MYO7B: variants seen among roughly 807,000 people sequenced by gnomAD.
MYO7B encodes unconventional myosin-VIIb.
MYO7B carries 212 observed loss-of-function variants against 259.7 expected under a neutral mutation model. That is an observed-to-expected ratio of 0.82 (90% CI 0.73 to 0.91). MYO7B has a LOEUF of 0.91. Ranked by LOEUF, MYO7B falls within the 40% of genes least tolerant of loss-of-function variation. MYO7B has a pLI of 0.00. For missense variants in MYO7B, 2,732 were observed against 2,813.5 expected (o/e 0.97, Z 0.66); for synonymous variants, 1,197 against 1,166.4 (o/e 1.03, Z -0.54).
At chr2:127,543,543 C>T (rs1047551657) in intron 1 of MYO7B, among the ~76,000 whole-genome samples, 2 of 152,048 alleles carry the variant, frequency 1.3e-5, no homozygotes, top group East Asian at 3.9e-4. Flanking sequence ...TCTTTCTTTT[C>T]CCCACAAAGG....
At chr2:127,618,145 T>C (rs554123675) in intron 26 of MYO7B, among the ~76,000 whole-genome samples, 1 of 152,344 alleles carries the variant, frequency 6.6e-6, no homozygotes, top group Admixed American at 6.5e-5. Flanking sequence ...TTGTCCCTGT[T>C]ACGTCCCTGT....
intron 12 of MYO7B, 97 bp downstream of exon 12, chr2:127,582,543 G>T: frequency 7.0e-7 from 1 of 1,433,048 alleles, no homozygotes; most frequent in South Asian, 1.3e-5. Context: ...CCGTCACCCT[G>T]CACCCAGGCC....
intron 1 of MYO7B, among the ~76,000 whole-genome samples, chr2:127,550,343 C>A (rs6756535): frequency 0.83 from 126,755 of 152,060 alleles, 53,128 homozygotes; most frequent in East Asian, 1. Context: ...AGGTGGGCAG[C>A]TCACTTGAGG....
At chr2:127,580,862 G>C (rs372220879) in intron 10 of MYO7B, 40 bp downstream of exon 10, 8 of 1,571,150 alleles carry the variant, frequency 5.1e-6, no homozygotes, top group Non-Finnish European at 7.0e-6. Flanking sequence ...TTGGTGGGGG[G>C]CCTCAGAGGC....
At chr2:127,573,642 C>A (rs76914981) in intron 6 of MYO7B, among the ~76,000 whole-genome samples, 1 of 152,350 alleles carries the variant, frequency 6.6e-6, no homozygotes, top group East Asian at 1.9e-4. Flanking sequence ...CTAACTAGTT[C>A]TGTCTACCTT....
intron 30 of MYO7B, among the ~76,000 whole-genome samples, chr2:127,624,886 G>T (rs1573710916): frequency 6.6e-6 from 1 of 152,350 alleles, no homozygotes; most frequent in African/African-American, 2.4e-5. Flanking sequence ...GGGACCCATT[G>T]GAGGCGGCCA....
In MYO7B at chr2:127,627,598, C is replaced by T. The variant is rs754374280; in HGVS notation, c.4460+288C>T. On this transcript the variant is annotated intron_variant, in intron 33 of 47. Transcript: ENST00000409816. This position sits in a 1 kb window ranked among gnomAD's most constrained non-coding sequence, Gnocchi z 5.6. ...GGGCAGGGAAGCGTGCAGCCTCTGG[C>T]GGGCACTTATTTAGAAGGCTCCTTT... 39 of 543,068 alleles carry T rather than the reference C, an allele frequency of 7.2e-5. No individual in the cohort carries two copies. The highest frequency in any genetic ancestry group is 5.6e-4 in the Middle Eastern group (2 of 3,586). 33.6% of individuals were successfully genotyped at this position (543,068 alleles called of 1,614,324 possible). A position where few individuals can be genotyped will look rare whatever the true frequency, so the allele number is the denominator to read the frequency against.
In MYO7B at chr2:127,635,725, C is replaced by T. The variant is rs1417650583; in HGVS notation, c.5824C>T (p.Leu1942=). The T allele has an allele frequency of 7.5e-6, 12 of 1,600,512 alleles. No individual in the cohort carries two copies. In the South Asian group the frequency reaches 1.2e-4, roughly 17 times the overall value. ...GCCCAGTGTGTCCATCACCCAGGAG[C>T]TGCCCAAGTACCTGCGCGGATTCCA... is the stretch of plus-strand genomic sequence containing the variant. The part of the protein sequence containing the change: ...ADTILHYHQE[L]PKYLRGFHKC... Residue 1942 remains leucine (L), a synonymous_variant, in exon 44 of 48, where the codon CTG becomes TTG. Transcript: ENST00000409816.
intron 26 of MYO7B, among the ~76,000 whole-genome samples, chr2:127,618,424 C>T (rs12053248): frequency 0.17 from 26,591 of 152,108 alleles, 2,453 homozygotes; most frequent in South Asian, 0.31. Flanking sequence ...GAGGAGGTAA[C>T]GATTGGTCAG....
In MYO7B at chr2:127,628,766, A is replaced by G. The variant is rs745576887; in HGVS notation, c.4624+231A>G. 1.3e-5 allele frequency among the ~76,000 whole-genome samples: 2 copies of G among 152,258 alleles called. No individual in the cohort carries two copies. Among genetic ancestry groups the G allele is most frequent in the Non-Finnish European group, 2.9e-5 (2 of 68,038 alleles). ...TAAAGGAGGTGGTCTCCAGCCCTGC[A>G]TAGGCCAGCCATGCTCAGCGCTGCA... On this transcript the variant is annotated intron_variant, in intron 34 of 47. Coordinates refer to ENST00000409816, the MANE Select transcript of MYO7B (RefSeq NM_001393586.1). This position sits in a 1 kb window ranked among gnomAD's most constrained non-coding sequence, Gnocchi z 4.8.
chr2:127,621,265 GT>G (rs1212192791), intron 27 of MYO7B, among the ~76,000 whole-genome samples: 1,520 of 120,654 alleles, frequency 0.013, 13 homozygotes, highest in African/African-American at 0.045. Context: ...TTTTTTTTTT[GT>G]TTTTTTTTTT....
chr2:127,568,400 C>G (rs1344835730), intron 5 of MYO7B, among the ~76,000 whole-genome samples: 2 of 152,298 alleles, frequency 1.3e-5, no homozygotes, highest in Admixed American at 6.5e-5. Context: ...TCCTCCTGCC[C>G]TTTCCTCCCC....
At position 127,627,797 on chromosome 2, in the gene MYO7B, A is replaced by G. The variant is rs1681226692; in HGVS notation, c.4460+487A>G. ...GATCTCATTGACTGGGAACTTTTCC[A>G]TGCCCTTTGGGAAGTCCCACCCAAG... On this transcript the variant is annotated intron_variant, in intron 33 of 47. Coordinates refer to ENST00000409816, the MANE Select transcript of MYO7B (RefSeq NM_001393586.1). This position sits in a 1 kb window ranked among gnomAD's most constrained non-coding sequence, Gnocchi z 5.6. The G allele has an allele frequency of 2.2e-6, 1 of 457,784 alleles. No individual in the cohort carries two copies. Among genetic ancestry groups the G allele is most frequent in the Non-Finnish European group, 4.4e-6 (1 of 227,732 alleles). 28.4% of individuals were successfully genotyped at this position (457,784 alleles called of 1,614,324 possible).
At chr2:127,635,609 G>A (rs528074653) in intron 43 of MYO7B, 113 bp from the exon 44 acceptor site, 229 of 1,185,410 alleles carry the variant, frequency 1.9e-4, no homozygotes, top group African/African-American at 2.4e-4. Context: ...TGCTCAGTCC[G>A]TCCTGGATGG....
chr2:127,581,814 A>G (rs1679111883), intron 10 of MYO7B, 77 bp from the exon 11 acceptor site: 2 of 1,593,192 alleles, frequency 1.3e-6, no homozygotes, highest in Non-Finnish European at 1.7e-6. Context: ...AGGGAACAAG[A>G]CTTGGCAGAA....
chr2:127,635,144 A>G lies in MYO7B; in HGVS notation c.5738A>G (p.Gln1913Arg). Residue 1913 changes from glutamine (Q) to arginine (R), a missense_variant, in exon 43 of 48, where the codon CAG (glutamine) becomes CGG (arginine). By Grantham distance (43) the Gln-to-Arg change is conservative. Coordinates refer to ENST00000409816, the MANE Select transcript of MYO7B (RefSeq NM_001393586.1). ...KEGAPVTLPY[Q>R]VYFMRKLWLN... ...GGGGCCCCCGTGACGCTCCCCTACC[A>G]GGTGTACTTCATGCGGAAATTGTGG... is the stretch of plus-strand genomic sequence containing the variant. 3.1e-6 allele frequency: 5 copies of G among 1,613,344 alleles called. No homozygotes were observed. The highest frequency in any genetic ancestry group is 4.2e-6 in the Non-Finnish European group (5 of 1,179,702).
chr2:127,545,520 G>T (rs925512217), intron 1 of MYO7B, among the ~76,000 whole-genome samples: 1 of 152,214 alleles, frequency 6.6e-6, no homozygotes, highest in African/African-American at 2.4e-5. Flanking sequence ...ACAAGTCGGG[G>T]AAAATGAAAT....
rs1457206830 is a variant in MYO7B at position 127,611,743 on chromosome 2, A to T, written c.3193-507A>T. 1.3e-5 allele frequency among the ~76,000 whole-genome samples: 2 copies of T among 152,044 alleles called. No homozygotes were observed. The highest frequency in any genetic ancestry group is 2.9e-5 in the Non-Finnish European group (2 of 67,982). ...GGCCTCTGCCTAAGGAGAGCAACAG[A>T]TCGTAGTGGCTGCAGCCAGTCCCTC... On this transcript the variant is annotated intron_variant, in intron 24 of 47. Transcript: ENST00000409816. The surrounding 1 kb of genome is among the most constrained non-coding windows in gnomAD (Gnocchi z 5.4).
intron 1 of MYO7B, among the ~76,000 whole-genome samples, chr2:127,553,170 G>C (rs543016797): frequency 1.3e-5 from 2 of 152,328 alleles, no homozygotes; most frequent in East Asian, 3.9e-4. Flanking sequence ...GGCCTTATAA[G>C]ATAGTTTGAA....
Sources: gnomAD v4.1 joint callset for allele counts (sites outside exome capture counted in the v4.1 genomes callset) on GRCh38, gnomAD v4.1.1 for gene constraint, Gnocchi (gnomAD v3.1) non-coding constraint, MANE v1.5 for transcripts, NCBI Gene and HGNC (gene_info 2026-07-23, HGNC 2026-07-21) for gene names.